Variants in FABP7 observed in about 807,000 individuals in gnomAD.
FABP7 encodes the protein fatty acid-binding protein, brain.
In FABP7, 13 loss-of-function variants were observed where a neutral mutation model predicts 14.2. That is an observed-to-expected ratio of 0.91 (90% confidence interval 0.59 to 1.45). The LOEUF is 1.45. Among genes scored for constraint, FABP7 ranks in the 40% most tolerant of loss-of-function variants. FABP7 has a pLI of 0.00. For missense variants in FABP7, 149 were observed against 157.6 expected (o/e 0.95, Z 0.29); for synonymous variants, 49 against 51.4 (o/e 0.95, Z 0.20).
At chr6:122,782,499 T>G in intron 3 of FABP7, 1 of 975,624 alleles carries the variant, frequency 1.0e-6, no homozygotes, top group Non-Finnish European at 1.2e-6. Context: ...ATAAAATAAT[T>G]AACAAATAAT....
At chr6:122,768,057 G>A in the FABP7 span, among the ~76,000 whole-genome samples, 3 of 151,972 alleles carry the variant, frequency 2.0e-5, no homozygotes, top group African/African-American at 7.3e-5. Context: ...CAGGCAAATG[G>A]GCAGGAGAAC....
At chr6:122,756,894 G>A in the FABP7 span, among the ~76,000 whole-genome samples, 1 of 151,996 alleles carries the variant, frequency 6.6e-6, no homozygotes, top group Non-Finnish European at 1.5e-5. Flanking sequence ...TCATTTCACT[G>A]GCCTCTCTTT....
rs949299120 is a variant in FABP7, at chr6:122,779,782, G to A, written c.-13G>A. On this transcript the variant is annotated 5_prime_UTR_variant, in exon 1 of 4. Coordinates refer to ENST00000368444, the MANE Select transcript of FABP7 (RefSeq NM_001446.5). Reference sequence around the variant, plus strand: ...ATCCCCGCTCCTGTCTCTAAAGAGGGGAAAGGGCAAGGATGGTGGAGGCTT... The same window carrying A: ...ATCCCCGCTCCTGTCTCTAAAGAGGAGAAAGGGCAAGGATGGTGGAGGCTT... 2.5e-6 allele frequency: 4 copies of A among 1,613,902 alleles called. No individual in the cohort carries two copies. The African/African-American group carries it at 4.0e-5, about 16-fold the overall frequency.
At chr6:122,777,888 T>C (rs994993847), upstream of FABP7, among the ~76,000 whole-genome samples, 3 of 73,046 alleles carry the variant, frequency 4.1e-5, no homozygotes, top group Non-Finnish European at 1.1e-4. Flanking sequence ...TTTTTTTATG[T>C]GCACTCCAAG....
upstream of FABP7, among the ~76,000 whole-genome samples, chr6:122,775,926 C>A (rs1780666067): frequency 6.6e-6 from 1 of 152,042 alleles, no homozygotes; most frequent in Non-Finnish European, 1.5e-5. Context: ...TAAGAATGGA[C>A]AACAGGCATA....
At chr6:122,774,389 C>A in the FABP7 span, among the ~76,000 whole-genome samples, 50 of 127,570 alleles carry the variant, frequency 3.9e-4, no homozygotes, top group African/African-American at 1.4e-3. Flanking sequence ...AAAAAAAAGA[C>A]AGAGAGAGAG....
At chr6:122,779,952 C>G (rs1029071166) in intron 1 of FABP7, 85 bp downstream of exon 1, 2 of 1,309,580 alleles carry the variant, frequency 1.5e-6, no homozygotes, top group African/African-American at 1.4e-5. Flanking sequence ...ATCAGGTCAG[C>G]AAGAGGCAAA....
At chr6:122,758,961 A>G in the FABP7 span, among the ~76,000 whole-genome samples, 1 of 152,238 alleles carries the variant, frequency 6.6e-6, no homozygotes, top group Non-Finnish European at 1.5e-5. Flanking sequence ...ATAGTGGAAA[A>G]TGGTAGAGCT....
At chr6:122,764,563 C>T in the FABP7 span, among the ~76,000 whole-genome samples, 1 of 151,884 alleles carries the variant, frequency 6.6e-6, no homozygotes, top group African/African-American at 2.4e-5. Flanking sequence ...ACAAACAAGA[C>T]AAAGAAAAGA....
chr6:122,757,029 A>C, the FABP7 span, among the ~76,000 whole-genome samples: 7 of 152,170 alleles, frequency 4.6e-5, no homozygotes, highest in Non-Finnish European at 8.8e-5. Flanking sequence ...CTAAGGGTTA[A>C]GTGATCTATT....
At chr6:122,762,008 G>T in the FABP7 span, among the ~76,000 whole-genome samples, 1 of 152,082 alleles carries the variant, frequency 6.6e-6, no homozygotes, top group African/African-American at 2.4e-5. Context: ...CCAATCAATA[G>T]AAAAAGAGGG....
At position 122,784,023 on chromosome 6, in the gene FABP7, T is replaced by C. The variant is rs1244932897; in HGVS notation, c.*256T>C. On this transcript the variant is annotated 3_prime_UTR_variant, in exon 4 of 4. Transcript: ENST00000368444. ...TTTATAAACAAGTGAATACATTTTATAATTTCTTTTGGAATGTAAATCAAA... is the reference window on the plus strand; with the variant it reads ...TTTATAAACAAGTGAATACATTTTACAATTTCTTTTGGAATGTAAATCAAA... 3.6e-5 allele frequency: 12 copies of C among 333,616 alleles called. No homozygotes were observed. Among genetic ancestry groups the C allele is most frequent in the Non-Finnish European group, 5.8e-5 (11 of 190,046 alleles). The allele number at this position is 333,616 out of a possible 1,614,324, so 20.7% of individuals were successfully genotyped here.
chr6:122,782,084 C>G (rs117294756), intron 3 of FABP7: 16 of 985,250 alleles, frequency 1.6e-5, no homozygotes, highest in Non-Finnish European at 1.8e-5. Context: ...TTACTTCTTT[C>G]CAGTTTTTTT....
the FABP7 span, among the ~76,000 whole-genome samples, chr6:122,772,968 T>C: frequency 1.3e-5 from 2 of 152,062 alleles, no homozygotes; most frequent in African/African-American, 2.4e-5. Flanking sequence ...CCCTAGGGAA[T>C]GTCTGTACCA....
At chr6:122,756,792 A>G in the FABP7 span, among the ~76,000 whole-genome samples, 1 of 152,202 alleles carries the variant, frequency 6.6e-6, no homozygotes, top group Non-Finnish European at 1.5e-5. Flanking sequence ...TGTCTTTCCC[A>G]ACTTCTCATC....
chr6:122,753,345 G>T, the FABP7 span, among the ~76,000 whole-genome samples: 1 of 152,152 alleles, frequency 6.6e-6, no homozygotes, highest in African/African-American at 2.4e-5. Context: ...AGGCTCTGCT[G>T]CCTCTTGTTT....
the FABP7 span, among the ~76,000 whole-genome samples, chr6:122,762,747 A>G: frequency 2.1e-3 from 326 of 152,350 alleles, 5 homozygotes; most frequent in African/African-American, 7.6e-3. Context: ...TACACAAATA[A>G]CAGACAAACA....
At chr6:122,766,109 G>A in the FABP7 span, among the ~76,000 whole-genome samples, 2 of 152,000 alleles carry the variant, frequency 1.3e-5, no homozygotes, top group Admixed American at 6.6e-5. Flanking sequence ...CAAATATGTA[G>A]CTAGAGAATA....
At chr6:122,778,927 T>C (rs1336360900), upstream of FABP7, among the ~76,000 whole-genome samples, 1 of 152,132 alleles carries the variant, frequency 6.6e-6, no homozygotes, top group African/African-American at 2.4e-5. Context: ...TTCAAGGAGA[T>C]CGGGGGGAAA....
Sources: allele counts gnomAD v4.1 joint callset (sites outside exome capture counted in the v4.1 genomes callset), GRCh38; gene constraint gnomAD v4.1.1; transcripts MANE v1.5; gene names NCBI Gene and HGNC (gene_info 2026-07-23, HGNC 2026-07-21).